The following DOCK11 variants were observed in gnomAD, a reference collection of about 807,000 sequenced individuals.
DOCK11 encodes dedicator of cytokinesis 11.
In DOCK11, 70 loss-of-function variants were observed where a neutral mutation model predicts 169.1. The observed-to-expected ratio is 0.41, with a 90% confidence interval of 0.34 to 0.51. The LOEUF is 0.51. Ranked by LOEUF, DOCK11 falls within the 20% of genes least tolerant of loss-of-function variation. DOCK11 has a pLI of 0.10. For synonymous variants in DOCK11, 529 were observed against 541.3 expected (o/e 0.98, Z 0.32); for missense variants, 1,166 against 1,538.8 (o/e 0.76, Z 4.05).
chrX:118,598,096 G>C lies in DOCK11; in HGVS notation c.2452G>C (p.Glu818Gln). The C allele has an allele frequency of 5.0e-6, 6 of 1,191,098 alleles. No individual in the cohort carries two copies. Among genetic ancestry groups the C allele is most frequent in the Non-Finnish European group, 6.8e-6 (6 of 881,168 alleles). The change falls in exon 22 of 53, where the codon GAA becomes CAA. Residue 818 changes from glutamate (E) to glutamine (Q), a missense_variant. Transcript: ENST00000276202. ...TTTGTTGAAGATTAAAAGCCACTTA[G>C]AATCTACCATTTACACTCAAGTAAG... ...KPLLKIKSHLESTIYTQDLHV... is the reference protein window; with the variant it reads ...KPLLKIKSHLQSTIYTQDLHV...
At chrX:118,524,533 GCAA>G (rs915233508) in intron 1 of DOCK11, among the ~76,000 whole-genome samples, 2 of 111,209 alleles carry the variant, frequency 1.8e-5, no homozygotes, top group African/African-American at 6.5e-5. Flanking sequence ...CTCCTATAAT[GCAA>G]CAACAACAAC....
chrX:118,592,249 A>G (rs1008143806), intron 19 of DOCK11, among the ~76,000 whole-genome samples: 6 of 107,445 alleles, frequency 5.6e-5, no homozygotes, highest in South Asian at 8.4e-4. Flanking sequence ...AGTCCCACCA[A>G]CAGTGTAAAA....
chrX:118,632,969 T>TGGGGGGG (rs766019635), intron 35 of DOCK11: 2 of 35,828 alleles, frequency 5.6e-5, no homozygotes, highest in South Asian at 2.4e-3. Flanking sequence ...TGGGGGGCGG[T>TGGGGGGG]GGGGGGGGGG....
At chrX:118,545,264 T>C in intron 4 of DOCK11, 59 bp from the exon 5 acceptor site, 1 of 817,375 alleles carries the variant, frequency 1.2e-6, no homozygotes. Flanking sequence ...GTTTTTGTGT[T>C]GTTTTTCTTT....
intron 12 of DOCK11, 36 bp downstream of exon 12, chrX:118,574,054 G>T: frequency 8.8e-7 from 1 of 1,137,686 alleles, no homozygotes; most frequent in East Asian, 3.0e-5. Flanking sequence ...AGCGTATTCA[G>T]AATAAGAAAC....
chrX:118,684,689 C>CA (rs1339624093), intron 52 of DOCK11, among the ~76,000 whole-genome samples: 1 of 111,710 alleles, frequency 9.0e-6, no homozygotes, highest in African/African-American at 3.3e-5. Flanking sequence ...AATTTCTTAG[C>CA]AATAAGTACC....
intron 46 of DOCK11, among the ~76,000 whole-genome samples, chrX:118,673,544 T>C (rs144317518): frequency 1.8e-5 from 2 of 111,816 alleles, no homozygotes; most frequent in Non-Finnish European, 3.8e-5. Flanking sequence ...CTGAAAACTA[T>C]CAGAGATAGC....
At chrX:118,530,591 G>A (rs1047860525) in intron 1 of DOCK11, among the ~76,000 whole-genome samples, 1 of 112,077 alleles carries the variant, frequency 8.9e-6, no homozygotes, top group African/African-American at 3.2e-5. Flanking sequence ...TCTTTGCTAA[G>A]ACTTATGCTC....
At chrX:118,635,190 C>T (rs1328809319) in intron 35 of DOCK11, among the ~76,000 whole-genome samples, 1 of 112,111 alleles carries the variant, frequency 8.9e-6, no homozygotes, top group African/African-American at 3.2e-5. Context: ...CTTGCCCCTC[C>T]ATAAAGCCAA....
In DOCK11 at chrX:118,685,791, G is replaced by C. The variant is rs2016845439; in HGVS notation, c.6206G>C (p.Arg2069Thr). ...TSSDRGYGSP[R>T]YAEV ...AGTGACCGAGGTTATGGTTCCCCAAGATACGCTGAAGTGTGAGGAAATGCA... is the reference window on the plus strand; with the variant it reads ...AGTGACCGAGGTTATGGTTCCCCAACATACGCTGAAGTGTGAGGAAATGCA... The change falls in exon 53 of 53, where the codon AGA (arginine) becomes ACA (threonine). Residue 2069 changes from arginine to threonine, a missense_variant. Physicochemically the swap from Arg to Thr is moderately conservative, Grantham distance 71 (BLOSUM62 -1). Transcript: ENST00000276202. The C allele has an allele frequency of 4.1e-6, 5 of 1,209,874 alleles. No homozygotes were observed.
rs2014791141 is a variant in DOCK11 at position 118,615,621 on chromosome X, G to A, written c.3202G>A (p.Glu1068Lys). Residue 1068 changes from glutamate to lysine, a missense_variant, in exon 30 of 53, where the codon GAA (glutamate) becomes AAA (lysine). By Grantham distance (56) the Glu-to-Lys change is moderately conservative. Transcript: ENST00000276202. ...TTAGGTTCTGGCTGAATACAAGTTTGAATTTCTGCAAACAATTTGCAATCA... is the reference window on the plus strand; with the variant it reads ...TTAGGTTCTGGCTGAATACAAGTTTAAATTTCTGCAAACAATTTGCAATCA... ...DPKVLAEYKF[E>K]FLQTICNHEH... The A allele has an allele frequency of 8.3e-7, 1 of 1,207,894 alleles. No individual in the cohort carries two copies. Among genetic ancestry groups the A allele is most frequent in the Non-Finnish European group, 1.1e-6 (1 of 893,554 alleles).
intron 12 of DOCK11, among the ~76,000 whole-genome samples, chrX:118,578,098 G>A (rs559103181): frequency 1.9e-3 from 211 of 112,476 alleles, no homozygotes; most frequent in Non-Finnish European, 3.1e-3. Context: ...ATGTCTTTTA[G>A]AGGATGATTT....
intron 1 of DOCK11, among the ~76,000 whole-genome samples, chrX:118,529,658 C>T (rs1307677688): frequency 4.5e-5 from 5 of 112,047 alleles, no homozygotes; most frequent in Non-Finnish European, 9.4e-5. Flanking sequence ...ACATCAGGCA[C>T]TGCACCTTGG....
chrX:118,618,987 T>C (rs956350298), intron 31 of DOCK11, among the ~76,000 whole-genome samples: 16 of 108,422 alleles, frequency 1.5e-4, no homozygotes, highest in African/African-American at 5.4e-4. Context: ...CCTCCCGAGT[T>C]GCTGGGACTA....
intron 28 of DOCK11, 141 bp downstream of exon 28, chrX:118,610,559 C>G: frequency 1.6e-6 from 1 of 610,113 alleles, no homozygotes; most frequent in South Asian, 3.1e-5. Flanking sequence ...CAAACGTTGG[C>G]TATTGTGAAC....
Position 118,597,951 on chromosome X carries a change from A to C in DOCK11, c.2386-79A>C, listed in dbSNP as rs759208885. ...ATTAATACATTCATTTCTGAAAAAA[A>C]TGTTTAAATGCATAAAGGTATTATA... is the stretch of plus-strand genomic sequence containing the variant. On this transcript the variant is annotated intron_variant, in intron 21 of 52. Coordinates refer to ENST00000276202, the MANE Select transcript of DOCK11 (RefSeq NM_144658.4). 6.0e-5 allele frequency: 45 copies of C among 752,823 alleles called. No homozygotes were observed. In the South Asian group the frequency reaches 1.7e-3, roughly 28 times the overall value. The allele number at this position is 752,823 out of a possible 1,213,427, so 62.0% of individuals were successfully genotyped here. A position where few individuals can be genotyped will look rare whatever the true frequency, so the allele number is the denominator to read the frequency against.
At chrX:118,646,968 A>G (rs934601299) in intron 40 of DOCK11, among the ~76,000 whole-genome samples, 4 of 107,419 alleles carry the variant, frequency 3.7e-5, no homozygotes, top group African/African-American at 1.0e-4. Flanking sequence ...TAGACCTAAA[A>G]GCATGGGAAA....
intron 12 of DOCK11, among the ~76,000 whole-genome samples, chrX:118,576,849 C>G (rs757340080): frequency 8.9e-6 from 1 of 112,404 alleles, no homozygotes; most frequent in Admixed American, 9.4e-5. Context: ...TTACTGTTCT[C>G]AAACTCCTGG....
rs41312588 is a variant in DOCK11 at position 118,681,597 on chromosome X, T to C, written c.5863-97T>C. The C allele has an allele frequency of 4.3e-3, 2,551 of 587,929 alleles. 3 individuals carry two copies. Among genetic ancestry groups the C allele is most frequent in the Non-Finnish European group, 5.9e-3 (2,307 of 388,940 alleles). The allele number at this position is 587,929 out of a possible 1,213,427, so 48.5% of individuals were successfully genotyped here. The stretch of plus-strand genomic sequence containing the variant: ...ATATTTCTCAGATATGGATTTCTTG[T>C]ATATTTTGGGATTTTTAATAAAAAA... On this transcript the variant is annotated intron_variant, in intron 50 of 52. Transcript: ENST00000276202.
Sources: allele counts gnomAD v4.1 joint callset (sites outside exome capture counted in the v4.1 genomes callset), GRCh38; gene constraint gnomAD v4.1.1; transcripts MANE v1.5; gene names NCBI Gene and HGNC (gene_info 2026-07-23, HGNC 2026-07-21).